The following DPEP1 variants were observed in gnomAD, a reference collection of about 807,000 sequenced individuals.
The protein encoded by DPEP1 is dipeptidase 1.
In DPEP1, 50 loss-of-function variants were observed where a neutral mutation model predicts 42.3. The observed-to-expected ratio is 1.18, with a 90% confidence interval of 0.94 to 1.50. The LOEUF (loss-of-function observed/expected upper bound fraction) is 1.50. Among genes scored for constraint, DPEP1 ranks in the 40% most tolerant of loss-of-function variants. DPEP1 has a pLI of 0.00. For synonymous variants in DPEP1, 297 were observed against 234.0 expected, an observed-to-expected ratio of 1.27 and a Z score of -2.46; for missense variants, 663 against 553.0, an observed-to-expected ratio of 1.20 and a Z score of -1.99.
chr16:89,622,176 A>T (rs1204770646), intron 1 of DPEP1, among the ~76,000 whole-genome samples: 2 of 152,106 alleles, frequency 1.3e-5, no homozygotes, highest in African/African-American at 4.8e-5. Flanking sequence ...TCCCACCCCG[A>T]GGGGTCTCCT....
Position 89,636,371 on chromosome 16 carries a change from C to A in DPEP1, c.345C>A (p.Thr115=). 6.2e-7 allele frequency: 1 copy of A among 1,612,488 alleles called. No homozygotes were observed. The highest frequency in any genetic ancestry group is 8.5e-7 in the Non-Finnish European group (1 of 1,179,798). Residue 115 remains threonine, a synonymous_variant, in exon 4 of 11, where the codon ACC becomes ACA. Coordinates refer to ENST00000690203, the MANE Select transcript of DPEP1 (RefSeq NM_001389466.1). ...GCATGTGCCGGATGTACCCGGAGACCTTCCTGTATGTCACCAGCAGTGCAG... is the reference window on the plus strand; with the variant it reads ...GCATGTGCCGGATGTACCCGGAGACATTCCTGTATGTCACCAGCAGTGCAG... The part of the protein sequence containing the change: ...VHRMCRMYPE[T]FLYVTSSAGI...
rs748009522 is a variant in DPEP1 at position 89,638,146 on chromosome 16, C to T, written c.1160C>T (p.Ala387Val). The T allele has an allele frequency of 1.2e-5, 19 of 1,610,790 alleles. No homozygotes were observed. The highest frequency in any genetic ancestry group is 1.6e-5 in the Non-Finnish European group (19 of 1,178,662). The change falls in exon 11 of 11, where the codon GCT becomes GTT. Residue 387 changes from alanine (A) to valine (V), a missense_variant. Transcript: ENST00000690203. Reference protein sequence around the residue: ...CRTHYGYSSGASSLHRHWGLL... With the variant: ...CRTHYGYSSGVSSLHRHWGLL... ...ACCCATTACGGCTACTCCTCTGGGG[C>T]TTCCAGCCTCCATCGCCACTGGGGG...
At chr16:89,622,246 C>A (rs59250738) in intron 1 of DPEP1, among the ~76,000 whole-genome samples, 2 of 152,162 alleles carry the variant, frequency 1.3e-5, no homozygotes, top group Non-Finnish European at 2.9e-5. Flanking sequence ...AGCTCTCTCC[C>A]TAAGCCTCAC....
intron 1 of DPEP1, chr16:89,616,987 G>A (rs1597738757): frequency 8.2e-6 from 2 of 242,646 alleles, no homozygotes; most frequent in South Asian, 7.1e-5. Flanking sequence ...CAGAGAATGG[G>A]GCGGGAGGCT....
chr16:89,629,889 C>G (rs951340853), intron 1 of DPEP1, among the ~76,000 whole-genome samples: 4 of 152,208 alleles, frequency 2.6e-5, no homozygotes, highest in African/African-American at 9.7e-5. Context: ...ATGTTTATCC[C>G]CCATGGCAAG....
chr16:89,622,888 TGAG>T (rs1430439271), intron 1 of DPEP1, among the ~76,000 whole-genome samples: 2 of 151,488 alleles, frequency 1.3e-5, no homozygotes, highest in Non-Finnish European at 2.9e-5. Context: ...AGTGTGTCTG[TGAG>T]GAGGACTAGG....
intron 1 of DPEP1, among the ~76,000 whole-genome samples, chr16:89,626,272 A>G (rs911710236): frequency 5.9e-5 from 9 of 152,282 alleles, no homozygotes; most frequent in African/African-American, 2.2e-4. Context: ...AGGTGAGTGC[A>G]TCGTGGGGCC....
At chr16:89,622,708 C>G (rs1003547215) in intron 1 of DPEP1, among the ~76,000 whole-genome samples, 1 of 150,856 alleles carries the variant, frequency 6.6e-6, no homozygotes, top group Non-Finnish European at 1.5e-5. Flanking sequence ...CGCTTGAACC[C>G]AGGAGGCGGA....
At chr16:89,617,231 C>T (rs976868171) in intron 1 of DPEP1, among the ~76,000 whole-genome samples, 3 of 152,106 alleles carry the variant, frequency 2.0e-5, no homozygotes, top group African/African-American at 4.8e-5. Flanking sequence ...GTGCTTGGGG[C>T]TCTCATGTGA....
intron 2 of DPEP1, among the ~76,000 whole-genome samples, chr16:89,631,034 C>T (rs1008766575): frequency 6.6e-6 from 1 of 152,060 alleles, no homozygotes; most frequent in Non-Finnish European, 1.5e-5. Context: ...AGGTCTGAGC[C>T]TGCGGACGTG....
At chr16:89,632,294 C>A (rs962136984) in intron 2 of DPEP1, among the ~76,000 whole-genome samples, 5 of 152,126 alleles carry the variant, frequency 3.3e-5, no homozygotes, top group African/African-American at 1.2e-4. Context: ...CTCAGGTGAT[C>A]CGCCCGCCTC....
intron 2 of DPEP1, among the ~76,000 whole-genome samples, chr16:89,631,928 G>C (rs1473537080): frequency 1.3e-5 from 2 of 152,140 alleles, no homozygotes; most frequent in African/African-American, 4.8e-5. Context: ...CATCCTCATG[G>C]TTTAAAATGG....
chr16:89,615,474 G>C (rs938432183), intron 1 of DPEP1, among the ~76,000 whole-genome samples: 1 of 152,220 alleles, frequency 6.6e-6, no homozygotes, highest in African/African-American at 2.4e-5. Context: ...CTCTACCTCA[G>C]TTTCCAAGAG....
chr16:89,638,004 A>C lies in DPEP1; in HGVS notation c.1065+33A>C, dbSNP rs199520457. ...TGGGGTGGCCACCTGAGTCTCCCCC[A>C]CCACCACCAGCAGGCAGGCTGCCCC... On this transcript the variant is annotated intron_variant, in intron 10 of 10. Transcript: ENST00000690203. The C allele has an allele frequency of 6.0e-5, 97 of 1,608,054 alleles. No individual in the cohort carries two copies. The East Asian group carries it at 1.4e-3, about 23-fold the overall frequency.
At chr16:89,629,411 A>G (rs1218836699) in intron 1 of DPEP1, among the ~76,000 whole-genome samples, 1 of 152,040 alleles carries the variant, frequency 6.6e-6, no homozygotes, top group African/African-American at 2.4e-5. Flanking sequence ...CTCAGGCAGG[A>G]GGGTTGCTTG....
chr16:89,615,252 A>G (rs1225792314), intron 1 of DPEP1, among the ~76,000 whole-genome samples: 1 of 152,202 alleles, frequency 6.6e-6, no homozygotes, highest in Non-Finnish European at 1.5e-5. Flanking sequence ...GTGGACGGAC[A>G]CTGAGCCCCA....
intron 1 of DPEP1, among the ~76,000 whole-genome samples, chr16:89,616,668 G>C (rs997572150): frequency 7.9e-5 from 12 of 152,158 alleles, no homozygotes; most frequent in Admixed American, 2.0e-4. Context: ...AGCGCAGATT[G>C]GGACGGCTGG....
chr16:89,629,559 G>A (rs975291283), intron 1 of DPEP1, among the ~76,000 whole-genome samples: 1 of 140,216 alleles, frequency 7.1e-6, no homozygotes, highest in Non-Finnish European at 1.5e-5. Flanking sequence ...CTCCCAGCAG[G>A]CCTGGTTTAG....
rs374093053 is a variant in DPEP1, at chr16:89,636,851, C to G, written c.522-15C>G. 81 of 1,612,258 alleles carry G rather than the reference C, an allele frequency of 5.0e-5. No homozygotes were observed. Among genetic ancestry groups the G allele is most frequent in the Non-Finnish European group, 6.7e-5 (79 of 1,179,868 alleles). ...CACCGCTCACCTCTTGGGCACCTGC[C>G]TTTTGCTTCTCCAGGGCTGACAACT... On this transcript the variant is annotated splice_polypyrimidine_tract_variant and intron_variant, in intron 5 of 10. Coordinates refer to ENST00000690203, the MANE Select transcript of DPEP1 (RefSeq NM_001389466.1).
Sources: gnomAD v4.1 joint callset for allele counts (sites outside exome capture counted in the v4.1 genomes callset) on GRCh38, gnomAD v4.1.1 for gene constraint, MANE v1.5 for transcripts, NCBI Gene and HGNC (gene_info 2026-07-23, HGNC 2026-07-21) for gene names.